The following RENBP variants were observed in gnomAD, a reference collection of about 807,000 sequenced individuals.
The protein encoded by RENBP is N-acylglucosamine 2-epimerase.
Under a neutral mutation model 37.8 loss-of-function variants are expected in RENBP, and 16 were observed. The observed-to-expected ratio is 0.42, with a 90% confidence interval of 0.29 to 0.64. RENBP has a LOEUF of 0.64. Among genes scored for constraint, RENBP ranks in the 30% least tolerant of loss-of-function variants. The probability of loss-of-function intolerance (pLI) is 0.19; values close to 1 mark genes in which losing one functional copy is unlikely to be tolerated. For synonymous variants in RENBP, 170 were observed against 154.8 expected (o/e 1.10, Z -0.73); for missense variants, 347 against 379.5 (o/e 0.91, Z 0.71).
Position 153,935,272 on chromosome X carries a change from A to G in RENBP, c.*14T>C. The G allele has an allele frequency of 7.3e-6, 5 of 687,312 alleles. No individual in the cohort carries two copies. Among genetic ancestry groups the G allele is most frequent in the Non-Finnish European group, 9.7e-6 (5 of 515,306 alleles). The allele number at this position is 687,312 out of a possible 1,213,427, so 56.6% of individuals were successfully genotyped here. The stretch of plus-strand genomic sequence containing the variant: ...CAGACGCGCGCACAGCCGCAGGTGG[A>G]GCGGACTCAGCCTTTATTCCGCGCC... On this transcript the variant is annotated 3_prime_UTR_variant, in exon 11 of 11. Transcript: ENST00000393700.
intron 9 of RENBP, 46 bp downstream of exon 9, chrX:153,940,056 C>A: frequency 8.3e-7 from 1 of 1,198,857 alleles, no homozygotes; most frequent in Non-Finnish European, 1.1e-6. Context: ...AGACTCCCCC[C>A]ATTCCCCCAT....
chrX:153,935,947 T>C, intron 9 of RENBP: 1 of 208,151 alleles, frequency 4.8e-6, no homozygotes, highest in East Asian at 1.5e-4. Flanking sequence ...CTGGACAACA[T>C]GGTGAAACCT....
At chrX:153,941,925 G>GCGGGCCCCC in intron 7 of RENBP, 25 bp downstream of exon 7, 4 of 708,465 alleles carry the variant, frequency 5.6e-6, no homozygotes, top group Non-Finnish European at 9.1e-6. Flanking sequence ...CTCCTGGGTG[G>GCGGGCCCCC]CCCCCAGCCC....
rs782310750 is a variant in RENBP at position 153,941,346 on chromosome X, T to C, written c.945+132A>G. ...GATCACGACCCCTTTCCTGTAACAC[T>C]GGCACAGAAGCTGAGAGCAGGCCTC... On this transcript the variant is annotated intron_variant, in intron 8 of 10. Coordinates refer to ENST00000393700, the MANE Select transcript of RENBP (RefSeq NM_002910.6). The C allele has an allele frequency of 6.4e-6, 4 of 628,653 alleles. No individual in the cohort carries two copies. In the African/African-American group the frequency reaches 9.1e-5, roughly 14 times the overall value. The allele number at this position is 628,653 out of a possible 1,213,427, so 51.8% of individuals were successfully genotyped here. A position where few individuals can be genotyped will look rare whatever the true frequency, so the allele number is the denominator to read the frequency against.
intron 9 of RENBP, 28 bp from the exon 10 acceptor site, chrX:153,935,604 G>A (rs782208847): frequency 7.0e-6 from 8 of 1,147,489 alleles, no homozygotes; most frequent in Non-Finnish European, 9.5e-6. Flanking sequence ...GTGACAGCTA[G>A]CGCCTGCAGG....
chrX:153,942,718 C>G (rs145822860), intron 6 of RENBP, 137 bp downstream of exon 6: 6 of 537,397 alleles, frequency 1.1e-5, no homozygotes, highest in Non-Finnish European at 1.9e-5. Flanking sequence ...CTCCCTCCAG[C>G]CCTCAGGCCC....
rs1432944345 is a variant in RENBP, at chrX:153,942,814, G to A, written c.687+41C>T. On this transcript the variant is annotated intron_variant, in intron 6 of 10. Coordinates refer to ENST00000393700, the MANE Select transcript of RENBP (RefSeq NM_002910.6). ...AGGGTGCCCAGGGGAGTGGGGGAGT[G>A]GAAGGCCTCCCACCACCCCAGCTCC... 3.7e-6 allele frequency: 4 copies of A among 1,094,055 alleles called. No individual in the cohort carries two copies. The East Asian group carries it at 1.2e-4, about 33-fold the overall frequency. The allele number at this position is 1,094,055 out of a possible 1,213,427, so 90.2% of individuals were successfully genotyped here. A position where few individuals can be genotyped will look rare whatever the true frequency, so the allele number is the denominator to read the frequency against.
chrX:153,941,575 A>G lies in RENBP; in HGVS notation c.848T>C (p.Ile283Thr), dbSNP rs1172437955. The G allele has an allele frequency of 4.1e-6, 5 of 1,206,473 alleles. No individual in the cohort carries two copies. Among genetic ancestry groups the G allele is most frequent in the Admixed American group, 4.4e-5 (2 of 45,399 alleles). The change falls in exon 8 of 11, where the codon ATT becomes ACT. Residue 283 changes from isoleucine to threonine, a missense_variant. Physicochemically the swap from Ile to Thr is moderately conservative, Grantham distance 89. Around this residue, in one of 3 missense-constraint regions of RENBP, gnomAD observed 244 missense variants for 279.4 expected, o/e 0.87. Transcript: ENST00000393700. ...GAAGGGCAACAATAGGAACTTGTCA[A>G]TCACGTGGGCTCGAAGTTCGGGGTC... The part of the protein sequence containing the change: ...KGDPELRAHV[I>T]DKFLLLPFHS...
At chrX:153,937,380 C>T (rs1242302437) in intron 9 of RENBP, among the ~76,000 whole-genome samples, 4 of 110,838 alleles carry the variant, frequency 3.6e-5, no homozygotes, top group Non-Finnish European at 7.6e-5. Context: ...CTTCTGTATT[C>T]TGTTATGTTG....
rs782540383 is a variant in RENBP at position 153,943,072 on chromosome X, G to A, written c.470C>T (p.Ala157Val). ...GACGATCTGATCCATCATCTCCACC[G>A]CTTCCGTCTGGGGGTGCAGGAGGCA... ...ATGEVRYQTE[A>V]VEMMDQIVHW... The change falls in exon 6 of 11, where the codon GCG becomes GTG. Residue 157 changes from alanine (A) to valine (V), a missense_variant. Ala to Val is a moderately conservative substitution (Grantham distance 64). This residue lies in a region of RENBP where 244 missense variants were observed against 279.4 expected (regional missense o/e 0.87). Transcript: ENST00000393700. 9.6e-5 allele frequency: 111 copies of A among 1,157,600 alleles called. No homozygotes were observed. Among genetic ancestry groups the A allele is most frequent in the Non-Finnish European group, 1.2e-4 (102 of 865,838 alleles).
At chrX:153,943,777 C>T in intron 4 of RENBP, 59 bp from the exon 5 acceptor site, 1 of 1,181,284 alleles carries the variant, frequency 8.5e-7, no homozygotes, top group Non-Finnish European at 1.1e-6. Flanking sequence ...CACACACCAC[C>T]CTTGAGCCTC....
At chrX:153,938,786 T>TG (rs1557108972) in intron 9 of RENBP, among the ~76,000 whole-genome samples, 8 of 93,713 alleles carry the variant, frequency 8.5e-5, no homozygotes, top group African/African-American at 3.9e-4. Flanking sequence ...TGTACTGTTT[T>TG]TTTTTTTTTG....
rs781993628 is a variant in RENBP, at chrX:153,936,006, G to C, written c.1078-430C>G. 6 of 208,822 alleles carry C rather than the reference G, an allele frequency of 2.9e-5. No individual in the cohort carries two copies. In the South Asian group the frequency reaches 2.9e-4, roughly 10 times the overall value. The allele number at this position is 208,822 out of a possible 1,213,427, so 17.2% of individuals were successfully genotyped here. A position where few individuals can be genotyped will look rare whatever the true frequency, so the allele number is the denominator to read the frequency against. ...TAGCCGGACGTGGTGGCACGCACTTGTAATCCCAGCAGTATACTCGGGAGG... is the reference window on the plus strand; with the variant it reads ...TAGCCGGACGTGGTGGCACGCACTTCTAATCCCAGCAGTATACTCGGGAGG... On this transcript the variant is annotated intron_variant, in intron 9 of 10. Transcript: ENST00000393700.
At position 153,935,528 on chromosome X, in the gene RENBP, C is replaced by A; in HGVS notation, c.1126G>T (p.Gly376Cys). Residue 376 changes from glycine (G) to cysteine (C), a missense_variant, in exon 10 of 11, where the codon GGC (glycine) becomes TGC (cysteine). This residue lies in a region of RENBP where 91 missense variants were observed against 67.7 expected (regional missense o/e 1.34). Coordinates refer to ENST00000393700, the MANE Select transcript of RENBP (RefSeq NM_002910.6). ...GEWFGYLSREGKVALSIKGGP... is the reference protein window; with the variant it reads ...GEWFGYLSRECKVALSIKGGP... ...CCCTTGATGGAGAGGGCCACCTTGC[C>A]CTCTCGGCTCAGGTAGCCAAACCAT... is the stretch of plus-strand genomic sequence containing the variant. 1 of 1,210,637 alleles carries A rather than the reference C, an allele frequency of 8.3e-7. No individual in the cohort carries two copies. The highest frequency in any genetic ancestry group is 1.1e-6 in the Non-Finnish European group (1 of 894,818).
intron 7 of RENBP, 53 bp downstream of exon 7, chrX:153,941,897 A>C (rs781878640): frequency 9.5e-7 from 1 of 1,047,653 alleles, no homozygotes; most frequent in African/African-American, 1.9e-5. Context: ...CCAGAACACA[A>C]GGCTCAGCGC....
intron 9 of RENBP, among the ~76,000 whole-genome samples, chrX:153,939,458 G>A (rs2065217281): frequency 8.9e-6 from 1 of 111,994 alleles, no homozygotes; most frequent in Non-Finnish European, 1.9e-5. Context: ...TGGAGACTCA[G>A]GAATCCCACT....
chrX:153,941,840 C>A (rs2065227946), intron 7 of RENBP, 110 bp downstream of exon 7: 1 of 808,392 alleles, frequency 1.2e-6, no homozygotes, highest in Admixed American at 2.4e-5. Context: ...ATCCTCGCTC[C>A]TCTGCCTCCT....
At chrX:153,940,426 G>A (rs1246964741) in intron 8 of RENBP, among the ~76,000 whole-genome samples, 193 bp from the exon 9 acceptor site, 1 of 111,707 alleles carries the variant, frequency 9.0e-6, no homozygotes, top group African/African-American at 3.3e-5. Flanking sequence ...GGCCCCAGAC[G>A]AATGGCATAT....
At chrX:153,936,659 C>T (rs2065204264) in intron 9 of RENBP, among the ~76,000 whole-genome samples, 1 of 111,109 alleles carries the variant, frequency 9.0e-6, no homozygotes, top group Non-Finnish European at 1.9e-5. Context: ...TCATCTGACT[C>T]CTGTCCTGGC....
Sources: allele counts gnomAD v4.1 joint callset (sites outside exome capture counted in the v4.1 genomes callset), GRCh38; gene constraint gnomAD v4.1.1; regional missense constraint gnomAD v4.1.1; transcripts MANE v1.5; gene names NCBI Gene and HGNC (gene_info 2026-07-23, HGNC 2026-07-21).